The following EPHA5 variants were observed in gnomAD, a reference collection of about 807,000 sequenced individuals.
The protein encoded by EPHA5 is ephrin type-A receptor 5.
EPHA5 carries 60 observed loss-of-function variants against 105.0 expected under a neutral mutation model. The observed-to-expected ratio is 0.57, with a 90% CI of 0.46 to 0.71. The LOEUF (loss-of-function observed/expected upper bound fraction) is 0.71. Ranked by LOEUF, EPHA5 falls within the 30% of genes least tolerant of loss-of-function variation. EPHA5 has a pLI of 0.00. For missense variants in EPHA5, 1,218 were observed against 1,274.7 expected (o/e 0.96, Z 0.68); for synonymous variants, 513 against 449.1 (o/e 1.14, Z -1.80).
chr4:65,363,491 A>C (rs1441675187), intron 11 of EPHA5, among the ~76,000 whole-genome samples: 2 of 151,528 alleles, frequency 1.3e-5, no homozygotes, highest in Non-Finnish European at 3.0e-5. Context: ...ATTGTTCTAA[A>C]TATTACATCT....
chr4:65,532,478 T>A (rs988831077), intron 3 of EPHA5, among the ~76,000 whole-genome samples: 67 of 152,142 alleles, frequency 4.4e-4, no homozygotes, highest in African/African-American at 1.6e-3. Flanking sequence ...ACCAATCCTA[T>A]GTAGCTTTAC....
intron 2 of EPHA5, among the ~76,000 whole-genome samples, chr4:65,631,997 A>T (rs1156983608): frequency 6.7e-6 from 1 of 149,754 alleles, no homozygotes; most frequent in Non-Finnish European, 1.5e-5. Flanking sequence ...TAATGCCAAC[A>T]TCACACTGAG....
At chr4:65,397,581 T>C (rs1721365915) in intron 8 of EPHA5, among the ~76,000 whole-genome samples, 3 of 151,710 alleles carry the variant, frequency 2.0e-5, no homozygotes, top group African/African-American at 7.3e-5. Flanking sequence ...AACATTCTTT[T>C]TCAAAATAGT....
chr4:65,515,837 A>G (rs1734055444), intron 3 of EPHA5, among the ~76,000 whole-genome samples: 1 of 152,144 alleles, frequency 6.6e-6, no homozygotes, highest in Non-Finnish European at 1.5e-5. Context: ...ACCCTTGCCA[A>G]TGTGGCTAGA....
At chr4:65,442,449 A>G (rs573055214) in intron 5 of EPHA5, among the ~76,000 whole-genome samples, 4 of 152,230 alleles carry the variant, frequency 2.6e-5, no homozygotes, top group Non-Finnish European at 5.9e-5. Context: ...GAGAAAATTA[A>G]TTTCTGTTGT....
intron 8 of EPHA5, among the ~76,000 whole-genome samples, chr4:65,382,998 GTATA>G (rs1341191724): frequency 6.7e-6 from 1 of 149,880 alleles, no homozygotes; most frequent in Non-Finnish European, 1.5e-5. Flanking sequence ...TGGTAAGTAT[GTATA>G]TATAGAGAGA....
chr4:65,579,358 G>GTGTATATA (rs1553944309), intron 3 of EPHA5, among the ~76,000 whole-genome samples: 1 of 142,796 alleles, frequency 7.0e-6, no homozygotes, highest in Non-Finnish European at 1.5e-5. Flanking sequence ...ATGTATGTGT[G>GTGTATATA]TATATATATA....
At chr4:65,401,724 T>C (rs1721844247) in intron 8 of EPHA5, among the ~76,000 whole-genome samples, 1 of 152,130 alleles carries the variant, frequency 6.6e-6, no homozygotes, top group South Asian at 2.1e-4. Context: ...TAAAAGTAAT[T>C]ACACTTTCAT....
rs1743743885 is a variant in EPHA5, at chr4:65,601,699, C to T, written c.852G>A (p.Val284=). ...MHCSAEGEWL[V]PIGKCMCKAG... ...CCTTGCACATGCATTTCCCGATGGG[C>T]ACCAGCCACTCCCCTTCGGCGCTGC... Residue 284 remains valine (V), a synonymous_variant, in exon 3 of 17, where the codon GTG becomes GTA. Transcript: ENST00000613740. 6.2e-7 allele frequency: 1 copy of T among 1,614,018 alleles called. No homozygotes were observed. Among genetic ancestry groups the T allele is most frequent in the Admixed American group, 1.7e-5 (1 of 59,996 alleles).
chr4:65,595,682 G>A (rs934968780), intron 3 of EPHA5, among the ~76,000 whole-genome samples: 1 of 150,996 alleles, frequency 6.6e-6, no homozygotes, highest in Non-Finnish European at 1.5e-5. Flanking sequence ...CCGGGTTCAC[G>A]CCATTCTCCT....
intron 2 of EPHA5, among the ~76,000 whole-genome samples, chr4:65,621,701 G>A (rs1232156763): frequency 1.3e-5 from 2 of 152,068 alleles, no homozygotes; most frequent in Non-Finnish European, 2.9e-5. Context: ...ACAAAGACAC[G>A]AGTCCAAATG....
rs537751679 is a variant in EPHA5, at chr4:65,369,599, C to T, written c.1794-2175G>A. ...ATATTAAGGGAATATATTTTGTTGT[C>T]ATTTTACAATGTGTAACTACATATA... On this transcript the variant is annotated intron_variant, in intron 8 of 16. Transcript: ENST00000613740. Among the ~76,000 whole-genome samples the T allele has an allele frequency of 7.2e-5, 11 of 152,134 alleles. No individual in the cohort carries two copies. The South Asian group carries it at 2.3e-3, about 32-fold the overall frequency.
In EPHA5 at chr4:65,602,083, A is replaced by T. The variant is rs151252926; in HGVS notation, c.468T>A (p.Phe156Leu). Residue 156 changes from phenylalanine to leucine, a missense_variant, in exon 3 of 17, where the codon TTT becomes TTA. By Grantham distance (22) the Phe-to-Leu change is conservative (BLOSUM62 0). Around this residue, in one of 3 missense-constraint regions of EPHA5, gnomAD observed 233 missense variants for 227.5 expected, o/e 1.02. Transcript: ENST00000613740. ...TCKETFNMYY[F>L]ESDDQNGRNI... Reference sequence around the variant, plus strand: ...TTCTCCCATTCTGATCATCTGACTCAAAGTAATACATATTAAAGGTTTCCT... The same window carrying T: ...TTCTCCCATTCTGATCATCTGACTCTAAGTAATACATATTAAAGGTTTCCT... The T allele has an allele frequency of 3.4e-5, 55 of 1,614,146 alleles. No individual in the cohort carries two copies. Among genetic ancestry groups the T allele is most frequent in the Non-Finnish European group, 4.6e-5 (54 of 1,179,990 alleles).
intron 5 of EPHA5, among the ~76,000 whole-genome samples, chr4:65,425,976 C>T (rs1049985910): frequency 2.0e-5 from 3 of 152,082 alleles, no homozygotes; most frequent in Non-Finnish European, 2.9e-5. Flanking sequence ...CTGACAACTT[C>T]GTAAAATGTA....
intron 13 of EPHA5, among the ~76,000 whole-genome samples, chr4:65,350,997 C>CAT (rs1722758900): frequency 6.8e-6 from 1 of 146,222 alleles, no homozygotes; most frequent in South Asian, 2.2e-4. Flanking sequence ...TTTACTTATT[C>CAT]ATATATATGT....
chr4:65,423,877 C>T (rs892246456), intron 5 of EPHA5, among the ~76,000 whole-genome samples: 3 of 151,942 alleles, frequency 2.0e-5, no homozygotes, highest in African/African-American at 7.2e-5. Flanking sequence ...TCTAAGCCCT[C>T]TAACTGACAG....
intron 2 of EPHA5, among the ~76,000 whole-genome samples, chr4:65,613,174 C>T (rs13126823): frequency 0.31 from 46,463 of 151,798 alleles, 7,265 homozygotes; most frequent in Non-Finnish European, 0.33. Flanking sequence ...TGTCAAAGAT[C>T]GGTTGGCTGT....
intron 3 of EPHA5, among the ~76,000 whole-genome samples, chr4:65,594,050 C>T (rs947508571): frequency 2.0e-5 from 3 of 152,154 alleles, no homozygotes; most frequent in East Asian, 3.9e-4. Flanking sequence ...TGTTATCAGA[C>T]TTTATGTAAG....
At chr4:65,358,773 T>A (rs1178210868) in intron 11 of EPHA5, among the ~76,000 whole-genome samples, 1 of 151,584 alleles carries the variant, frequency 6.6e-6, no homozygotes, top group Non-Finnish European at 1.5e-5. Context: ...TAAGATAAAA[T>A]CAAAAGCTTG....
Sources: gnomAD v4.1 joint callset for allele counts (sites outside exome capture counted in the v4.1 genomes callset) on GRCh38, gnomAD v4.1.1 for gene constraint, gnomAD v4.1.1 regional missense constraint, MANE v1.5 for transcripts, NCBI Gene and HGNC (gene_info 2026-07-23, HGNC 2026-07-21) for gene names.